The following TRPC5 variants were observed in gnomAD, a reference collection of about 807,000 sequenced individuals.
TRPC5 encodes transient receptor potential cation channel subfamily C member 5, also known as short transient receptor potential channel 5.
TRPC5 carries 9 observed loss-of-function variants against 56.5 expected under a neutral mutation model. The ratio of observed to expected loss-of-function variants is 0.16; its 90% CI spans 0.10 to 0.28. TRPC5 has a LOEUF of 0.28. Ranked by LOEUF, TRPC5 falls within the 10% of genes least tolerant of loss-of-function variation. TRPC5 has a pLI of 1.00. For synonymous variants in TRPC5, 282 were observed against 278.5 expected, an observed-to-expected ratio of 1.01 and a Z score of -0.13; for missense variants, 469 against 748.9, an observed-to-expected ratio of 0.63 and a Z score of 4.36.
In TRPC5 at chrX:111,778,976, T is replaced by C. The variant is rs192563340; in HGVS notation, c.2232+9A>G. 214 of 1,148,452 alleles carry C rather than the reference T, an allele frequency of 1.9e-4. No individual in the cohort carries two copies. The highest frequency in any genetic ancestry group is 1.4e-4 in the Non-Finnish European group (115 of 847,302). 94.6% of individuals were successfully genotyped at this position (1,148,452 alleles called of 1,213,427 possible). A position where few individuals can be genotyped will look rare whatever the true frequency, so the allele number is the denominator to read the frequency against. On this transcript the variant is annotated intron_variant, in intron 10 of 10. Coordinates refer to ENST00000262839, the MANE Select transcript of TRPC5 (RefSeq NM_012471.3). The stretch of plus-strand genomic sequence containing the variant: ...TGTAAAATGAAAAACCACTTCATGA[T>C]TAAATTACCTTAAAATTTTCTTCTG...
chrX:111,881,135 G>T (rs1266728595), intron 3 of TRPC5, among the ~76,000 whole-genome samples: 3 of 99,423 alleles, frequency 3.0e-5, no homozygotes, highest in African/African-American at 1.4e-4. Flanking sequence ...GTTGTTTTGT[G>T]ATTTTCTTTT....
intron 1 of TRPC5, among the ~76,000 whole-genome samples, chrX:111,998,559 A>T (rs1355294985): frequency 8.9e-6 from 1 of 112,086 alleles, no homozygotes; most frequent in East Asian, 2.8e-4. Flanking sequence ...AGATACAAAA[A>T]GTCAGCCCTC....
chrX:111,885,258 G>C (rs931445215), intron 3 of TRPC5, among the ~76,000 whole-genome samples: 1 of 112,569 alleles, frequency 8.9e-6, no homozygotes, highest in Non-Finnish European at 1.9e-5. Flanking sequence ...GCCTGGGCCT[G>C]TTTAAGGCCT....
intron 1 of TRPC5, among the ~76,000 whole-genome samples, chrX:111,964,760 A>C (rs1163250696): frequency 9.0e-6 from 1 of 111,485 alleles, no homozygotes; most frequent in Non-Finnish European, 1.9e-5. Flanking sequence ...AATACTTTAC[A>C]GACAAGCAAA....
chrX:111,899,530 G>A (rs1925237606), intron 3 of TRPC5, among the ~76,000 whole-genome samples: 1 of 110,968 alleles, frequency 9.0e-6, no homozygotes, highest in African/African-American at 3.3e-5. Context: ...ATCAAGAGGA[G>A]GAATAAAAGA....
At chrX:111,954,055 CT>C (rs1480356915) in intron 1 of TRPC5, among the ~76,000 whole-genome samples, 4 of 112,336 alleles carry the variant, frequency 3.6e-5, no homozygotes, top group Non-Finnish European at 5.6e-5. Flanking sequence ...CTGATACATT[CT>C]TCCACTACTT....
chrX:111,793,820 A>G (rs1946040738), intron 7 of TRPC5, among the ~76,000 whole-genome samples: 2 of 112,456 alleles, frequency 1.8e-5, no homozygotes, highest in South Asian at 7.4e-4. Context: ...CAACCAATAA[A>G]TGGATGAACA....
chrX:111,958,326 G>T (rs192348396), intron 1 of TRPC5, among the ~76,000 whole-genome samples: 1 of 111,196 alleles, frequency 9.0e-6, no homozygotes, highest in African/African-American at 3.3e-5. Context: ...AGTTCTTCAA[G>T]AACTTATAAT....
chrX:112,031,913 TA>T (rs1266692060), intron 1 of TRPC5, among the ~76,000 whole-genome samples: 1 of 109,355 alleles, frequency 9.1e-6, no homozygotes, highest in African/African-American at 3.3e-5. Context: ...ATATTACATA[TA>T]TATATATATA....
intron 7 of TRPC5, among the ~76,000 whole-genome samples, chrX:111,795,496 ATTTG>A (rs972698012): frequency 4.5e-5 from 5 of 110,294 alleles, no homozygotes; most frequent in African/African-American, 1.3e-4. Flanking sequence ...AAATAGTTTT[ATTTG>A]TTTGGTAGTT....
At chrX:111,908,992 A>C (rs1925715336) in intron 3 of TRPC5, among the ~76,000 whole-genome samples, 1 of 110,436 alleles carries the variant, frequency 9.1e-6, no homozygotes, top group Non-Finnish European at 1.9e-5. Flanking sequence ...CTCCAAAAAT[A>C]ATAAAAATAG....
At chrX:111,964,459 A>G (rs1302986915) in intron 1 of TRPC5, among the ~76,000 whole-genome samples, 1 of 111,934 alleles carries the variant, frequency 8.9e-6, no homozygotes, top group Non-Finnish European at 1.9e-5. Flanking sequence ...ATTCAGATTC[A>G]GGAAATACAG....
intron 1 of TRPC5, among the ~76,000 whole-genome samples, chrX:111,958,877 C>T (rs777355004): frequency 5.3e-5 from 6 of 112,204 alleles, no homozygotes; most frequent in East Asian, 2.8e-4. Context: ...CTTCAGAAAC[C>T]ACACACAGAG....
intron 2 of TRPC5, among the ~76,000 whole-genome samples, chrX:111,940,048 T>A (rs950473533): frequency 1.8e-5 from 2 of 111,928 alleles, no homozygotes; most frequent in African/African-American, 6.5e-5. Flanking sequence ...TAGTAGTGCC[T>A]TCCTTGTATC....
intron 3 of TRPC5, chrX:111,903,114 T>C (rs1267567678): frequency 9.0e-6 from 1 of 111,641 alleles, no homozygotes; most frequent in East Asian, 2.8e-4. Context: ...CCTGAACAGA[T>C]TGTACTGTAA....
At chrX:112,052,276 C>A (rs1386229313) in intron 1 of TRPC5, among the ~76,000 whole-genome samples, 1 of 107,692 alleles carries the variant, frequency 9.3e-6, no homozygotes, top group East Asian at 2.8e-4. Context: ...CCAATTCCCA[C>A]CAATACTCTT....
chrX:111,992,588 C>CATTATTATTATT (rs534660293), intron 1 of TRPC5, among the ~76,000 whole-genome samples: 1 of 104,979 alleles, frequency 9.5e-6, no homozygotes, highest in African/African-American at 3.6e-5. Context: ...TTTTTTAAAA[C>CATTATTATTATT]ATTATTATTA....
chrX:111,778,207 G>A (rs1320959163), intron 10 of TRPC5, among the ~76,000 whole-genome samples: 1 of 111,361 alleles, frequency 9.0e-6, no homozygotes, highest in Non-Finnish European at 1.9e-5. Flanking sequence ...ATGATGGGTT[G>A]ATGGGTGCAG....
intron 2 of TRPC5, among the ~76,000 whole-genome samples, chrX:111,949,353 T>C (rs1927014369): frequency 9.0e-6 from 1 of 111,656 alleles, no homozygotes; most frequent in Non-Finnish European, 1.9e-5. Flanking sequence ...TTAATTAAAC[T>C]AAAGAGCTTT....
Sources: allele counts gnomAD v4.1 joint callset (sites outside exome capture counted in the v4.1 genomes callset), GRCh38; gene constraint gnomAD v4.1.1; transcripts MANE v1.5; gene names NCBI Gene and HGNC (gene_info 2026-07-23, HGNC 2026-07-21).